Variants in TAFA2 observed in about 807,000 individuals in gnomAD.
TAFA2 encodes TAFA chemokine like family member 2.
A neutral mutation model predicts 18.8 loss-of-function variants in TAFA2; 7 were observed. That is an observed-to-expected ratio of 0.37 (90% confidence interval 0.21 to 0.70). The LOEUF (loss-of-function observed/expected upper bound fraction) is 0.70, where lower values mean the gene tolerates loss of function less well. TAFA2 is among the 30% of genes least tolerant of loss of function. The pLI is 0.53. For missense variants in TAFA2, 122 were observed against 158.1 expected (o/e 0.77, Z 1.23); for synonymous variants, 60 against 54.2 (o/e 1.11, Z -0.47).
At chr12:62,204,608 C>T (rs906328694) in intron 1 of TAFA2, among the ~76,000 whole-genome samples, 6 of 151,912 alleles carry the variant, frequency 3.9e-5, no homozygotes, top group African/African-American at 1.2e-4. Context: ...TTTTCGTCTG[C>T]TTGGTCTAGT....
intron 1 of TAFA2, among the ~76,000 whole-genome samples, chr12:62,171,860 G>T (rs1350701157): frequency 1.3e-5 from 2 of 152,172 alleles, no homozygotes; most frequent in African/African-American, 2.4e-5. Flanking sequence ...TAAAGAACTT[G>T]TTTCCTTCTT....
chr12:61,760,577 T>C (rs749367036), intron 2 of TAFA2, among the ~76,000 whole-genome samples: 22 of 151,756 alleles, frequency 1.4e-4, no homozygotes, highest in Non-Finnish European at 2.8e-4. Context: ...GTATGTGGTA[T>C]GTGTTTAATA....
At chr12:61,945,102 C>A (rs1878211325) in intron 1 of TAFA2, among the ~76,000 whole-genome samples, 1 of 130,220 alleles carries the variant, frequency 7.7e-6, no homozygotes. Context: ...AAAAGCTTAT[C>A]CACCATGATC....
At chr12:62,139,985 G>A (rs2062226860) in intron 1 of TAFA2, 1 of 152,114 alleles carries the variant, frequency 6.6e-6, no homozygotes, top group Non-Finnish European at 1.5e-5. Context: ...AGAGAGAAAG[G>A]ACATTGCCAT....
At chr12:62,119,463 C>T (rs1426891472) in intron 1 of TAFA2, among the ~76,000 whole-genome samples, 1 of 152,130 alleles carries the variant, frequency 6.6e-6, no homozygotes, top group African/African-American at 2.4e-5. Context: ...TTCACACATA[C>T]ATATATACAC....
chr12:62,022,495 TAAC>T (rs1338596185), intron 1 of TAFA2, among the ~76,000 whole-genome samples: 8 of 152,188 alleles, frequency 5.3e-5, no homozygotes, highest in African/African-American at 1.9e-4. Context: ...ATAATAATAA[TAAC>T]AATAATAGCT....
At chr12:62,104,691 A>C (rs887277502) in intron 1 of TAFA2, 1 of 455,708 alleles carries the variant, frequency 2.2e-6, no homozygotes, top group Non-Finnish European at 4.4e-6. Context: ...CTAGTCCTCA[A>C]CTAAGAGGAC....
intron 1 of TAFA2, among the ~76,000 whole-genome samples, chr12:62,232,805 C>G (rs1032059814): frequency 2.0e-5 from 3 of 152,078 alleles, no homozygotes; most frequent in Middle Eastern, 3.5e-3. Flanking sequence ...AGCCACCACA[C>G]GCAGCTGAGT....
chr12:61,716,417 A>G lies in TAFA2; in HGVS notation c.385-6000T>C, dbSNP rs183079307. On this transcript the variant is annotated intron_variant, in intron 4 of 4. Transcript: ENST00000416284. ...AAAATGCAGATTTGCAAATTTCCCT[A>G]TTCTTTATTGATGGTTCCTCTATTA... Among the ~76,000 whole-genome samples, 8 of 152,282 alleles carry G rather than the reference A, an allele frequency of 5.3e-5. No individual in the cohort carries two copies. In the East Asian group the frequency reaches 1.5e-3, roughly 29 times the overall value.
chr12:62,160,265 A>G (rs747976964), intron 1 of TAFA2, among the ~76,000 whole-genome samples: 55 of 152,346 alleles, frequency 3.6e-4, no homozygotes, highest in Non-Finnish European at 6.2e-4. Flanking sequence ...GGTACAAGAA[A>G]AATCCAATGT....
intron 1 of TAFA2, among the ~76,000 whole-genome samples, chr12:62,004,560 G>A (rs530754896): frequency 2.0e-5 from 3 of 152,174 alleles, no homozygotes; most frequent in African/African-American, 7.2e-5. Flanking sequence ...AGTAAAGAGA[G>A]GGAAAAAAAT....
At chr12:62,216,209 A>T (rs2136975938) in intron 1 of TAFA2, among the ~76,000 whole-genome samples, 1 of 152,360 alleles carries the variant, frequency 6.6e-6, no homozygotes, top group South Asian at 2.1e-4. Flanking sequence ...ACACCTATCC[A>T]GTAGTCACTA....
intron 1 of TAFA2, among the ~76,000 whole-genome samples, chr12:62,206,731 G>A (rs2062693085): frequency 6.6e-6 from 1 of 152,030 alleles, no homozygotes; most frequent in African/African-American, 2.4e-5. Context: ...TCCCACCTTG[G>A]CCTCCCAAAG....
At chr12:62,101,748 TAA>T (rs1478632841) in intron 1 of TAFA2, among the ~76,000 whole-genome samples, 3 of 152,232 alleles carry the variant, frequency 2.0e-5, no homozygotes, top group Non-Finnish European at 4.4e-5. Flanking sequence ...GTACCTACTC[TAA>T]GTCTAATACT....
intron 2 of TAFA2, among the ~76,000 whole-genome samples, chr12:61,789,141 G>A (rs1410997942): frequency 1.3e-5 from 2 of 151,842 alleles, no homozygotes; most frequent in Non-Finnish European, 2.9e-5. Context: ...AAGCTCTTTA[G>A]TTTAGTTAGA....
intron 2 of TAFA2, among the ~76,000 whole-genome samples, chr12:61,857,020 T>C (rs1052285242): frequency 2.6e-5 from 4 of 151,846 alleles, no homozygotes; most frequent in African/African-American, 9.7e-5. Context: ...GTATGTGTAG[T>C]AGAATTACAG....
intron 1 of TAFA2, among the ~76,000 whole-genome samples, chr12:61,921,587 T>C (rs1877057986): frequency 6.6e-6 from 1 of 152,068 alleles, no homozygotes; most frequent in African/African-American, 2.4e-5. Flanking sequence ...ATGGGTTTTT[T>C]TGTGTGCAGT....
intron 1 of TAFA2, among the ~76,000 whole-genome samples, chr12:62,061,083 A>C (rs1882335862): frequency 6.6e-6 from 1 of 152,076 alleles, no homozygotes; most frequent in African/African-American, 2.4e-5. Context: ...TATTGGAGAA[A>C]GAATATTTTT....
At chr12:61,835,051 C>G (rs1872862885) in intron 2 of TAFA2, among the ~76,000 whole-genome samples, 1 of 151,826 alleles carries the variant, frequency 6.6e-6, no homozygotes, top group Non-Finnish European at 1.5e-5. Context: ...GCTTTCTGCT[C>G]TTCTAACTAA....
Sources: gnomAD v4.1 joint callset for allele counts (sites outside exome capture counted in the v4.1 genomes callset) on GRCh38, gnomAD v4.1.1 for gene constraint, MANE v1.5 for transcripts, NCBI Gene and HGNC (gene_info 2026-07-23, HGNC 2026-07-21) for gene names.